Variants in STAG1 observed in about 807,000 individuals in gnomAD.
STAG1 encodes STAG1 cohesin complex component.
Under a neutral mutation model 170.9 loss-of-function variants are expected in STAG1, and 26 were observed. That is an observed-to-expected ratio of 0.15 (90% CI 0.11 to 0.21). The LOEUF is 0.21. Ranked by LOEUF, STAG1 falls within the 10% of genes least tolerant of loss-of-function variation. The pLI, the probability that STAG1 is intolerant of heterozygous loss-of-function variation, is 1.00. For missense variants in STAG1, 964 were observed against 1,509.5 expected (o/e 0.64, Z 5.99); for synonymous variants, 514 against 497.7 (o/e 1.03, Z -0.44).
At chr3:136,413,088 T>C (rs1463627477) in intron 21 of STAG1, among the ~76,000 whole-genome samples, 1 of 151,264 alleles carries the variant, frequency 6.6e-6, no homozygotes, top group Non-Finnish European at 1.5e-5. Context: ...GGTCTCGAAC[T>C]CCTGACCTCA....
At chr3:136,615,267 T>C (rs1559910985) in intron 3 of STAG1, among the ~76,000 whole-genome samples, 1 of 151,796 alleles carries the variant, frequency 6.6e-6, no homozygotes. Flanking sequence ...GACAGATAGA[T>C]ACCTGACTAA....
At chr3:136,533,348 G>T (rs1268804018) in intron 6 of STAG1, among the ~76,000 whole-genome samples, 3 of 152,098 alleles carry the variant, frequency 2.0e-5, no homozygotes, top group African/African-American at 4.8e-5. Context: ...TTAAAAAAAG[G>T]TTGGTAAAAT....
At chr3:136,409,471 G>C (rs1319885951) in intron 21 of STAG1, among the ~76,000 whole-genome samples, 1 of 151,898 alleles carries the variant, frequency 6.6e-6, no homozygotes, top group Non-Finnish European at 1.5e-5. Flanking sequence ...CGAGTAGCTG[G>C]GATTACAGGA....
At chr3:136,726,340 TC>T (rs1158474459) in intron 1 of STAG1, among the ~76,000 whole-genome samples, 2 of 152,294 alleles carry the variant, frequency 1.3e-5, no homozygotes, top group African/African-American at 4.8e-5. Flanking sequence ...AAACCATTAT[TC>T]CCAGTTGTGA....
intron 25 of STAG1, among the ~76,000 whole-genome samples, chr3:136,366,600 C>T (rs1223380803): frequency 4.6e-5 from 7 of 152,122 alleles, no homozygotes; most frequent in African/African-American, 1.7e-4. Context: ...GACACAAGAA[C>T]AAGGCAAATA....
chr3:136,411,039 A>G (rs2107711448), intron 21 of STAG1, among the ~76,000 whole-genome samples: 1 of 152,350 alleles, frequency 6.6e-6, no homozygotes, highest in African/African-American at 2.4e-5. Flanking sequence ...TGGGCAGACA[A>G]GCGGGGAGCT....
intron 19 of STAG1, 126 bp downstream of exon 19, chr3:136,422,284 A>G (rs2087981877): frequency 2.6e-6 from 2 of 782,602 alleles, no homozygotes; most frequent in Non-Finnish European, 4.0e-6. Flanking sequence ...TAAGGTTGCT[A>G]AGTTTTGGAA....
intron 22 of STAG1, among the ~76,000 whole-genome samples, chr3:136,393,804 C>T (rs1225157051): frequency 6.6e-6 from 1 of 152,078 alleles, no homozygotes; most frequent in African/African-American, 2.4e-5. Flanking sequence ...CCATGTTGGT[C>T]AGGCTGGTCT....
chr3:136,745,653 C>T (rs1438282787), intron 1 of STAG1, among the ~76,000 whole-genome samples: 3 of 152,230 alleles, frequency 2.0e-5, no homozygotes, highest in African/African-American at 4.8e-5. Context: ...CCTCTCACCT[C>T]CTGCTGTGCA....
chr3:136,398,887 G>T, intron 21 of STAG1, 58 bp from the exon 22 acceptor site: 1 of 1,011,870 alleles, frequency 9.9e-7, no homozygotes. Flanking sequence ...GAGATCATCT[G>T]TTTGCACCGT....
intron 9 of STAG1, among the ~76,000 whole-genome samples, chr3:136,498,243 T>TAC (rs1559841829): frequency 2.5e-4 from 16 of 63,428 alleles, no homozygotes; most frequent in African/African-American, 1.1e-3. Flanking sequence ...TACACATACA[T>TAC]ATACATACAC....
At chr3:136,673,544 G>T (rs1942039226) in intron 1 of STAG1, among the ~76,000 whole-genome samples, 1 of 152,110 alleles carries the variant, frequency 6.6e-6, no homozygotes, top group Non-Finnish European at 1.5e-5. Context: ...TTGAAAAACT[G>T]TAATAAAATA....
chr3:136,503,508 T>G (rs1329257452), intron 7 of STAG1, among the ~76,000 whole-genome samples: 1 of 152,218 alleles, frequency 6.6e-6, no homozygotes, highest in African/African-American at 2.4e-5. Flanking sequence ...ATATTTGTTT[T>G]CATCATTGAG....
chr3:136,354,553 C>T (rs1287631535), intron 28 of STAG1, among the ~76,000 whole-genome samples: 1 of 151,808 alleles, frequency 6.6e-6, no homozygotes, highest in Non-Finnish European at 1.5e-5. Flanking sequence ...CTGCCCACCT[C>T]AGCCTCCCAA....
intron 9 of STAG1, among the ~76,000 whole-genome samples, chr3:136,498,326 C>T (rs369552035): frequency 1.9e-4 from 27 of 142,268 alleles, no homozygotes; most frequent in East Asian, 1.5e-3. Flanking sequence ...CACATTACGG[C>T]TAGCAACGCA....
At chr3:136,436,303 G>A (rs932882437) in intron 15 of STAG1, among the ~76,000 whole-genome samples, 21 of 151,362 alleles carry the variant, frequency 1.4e-4, no homozygotes, top group Non-Finnish European at 2.1e-4. Flanking sequence ...TTTTTTGGAA[G>A]TGGAGTCTCA....
At chr3:136,513,054 G>C (rs1369262684) in intron 7 of STAG1, among the ~76,000 whole-genome samples, 1 of 152,130 alleles carries the variant, frequency 6.6e-6, no homozygotes, top group Admixed American at 6.5e-5. Context: ...TTTCAAAAAA[G>C]GGAGACTTGG....
intron 3 of STAG1, among the ~76,000 whole-genome samples, chr3:136,621,111 C>A (rs1052771562): frequency 6.6e-6 from 1 of 151,154 alleles, no homozygotes; most frequent in Non-Finnish European, 1.5e-5. Context: ...CCAGCCTGGG[C>A]GACAGAGTAA....
chr3:136,628,720 T>C (rs1248032274), intron 2 of STAG1, among the ~76,000 whole-genome samples: 1 of 152,240 alleles, frequency 6.6e-6, no homozygotes, highest in African/African-American at 2.4e-5. Context: ...GATTATTTGA[T>C]TTATATCTAA....
Sources: allele counts gnomAD v4.1 joint callset (sites outside exome capture counted in the v4.1 genomes callset), GRCh38; gene constraint gnomAD v4.1.1; transcripts MANE v1.5; gene names NCBI Gene and HGNC (gene_info 2026-07-23, HGNC 2026-07-21).